JADE1: variants seen among roughly 807,000 people sequenced by gnomAD.
The protein encoded by JADE1 is jade family PHD finger 1.
A neutral mutation model predicts 81.8 loss-of-function variants in JADE1; 14 were observed. The ratio of observed to expected loss-of-function variants is 0.17; its 90% CI spans 0.11 to 0.27. The LOEUF (loss-of-function observed/expected upper bound fraction) is 0.27, where lower values mean the gene tolerates loss of function less well. Among genes scored for constraint, JADE1 ranks in the 10% least tolerant of loss-of-function variants. The pLI, the probability that JADE1 is intolerant of heterozygous loss-of-function variation, is 1.00. For missense variants in JADE1, 690 were observed against 1,047.9 expected, an observed-to-expected ratio of 0.66 and a Z score of 4.71; for synonymous variants, 353 against 391.9, an observed-to-expected ratio of 0.90 and a Z score of 1.17.
chr4:128,872,094 G>A lies in JADE1; in HGVS notation c.2361G>A (p.Lys787=), dbSNP rs1355479449. The A allele has an allele frequency of 6.2e-7, 1 of 1,614,138 alleles. No individual in the cohort carries two copies. Among genetic ancestry groups the A allele is most frequent in the East Asian group, 2.2e-5 (1 of 44,842 alleles). The change falls in exon 11 of 11, where the codon AAG becomes AAA. Residue 787 remains lysine (K), a synonymous_variant. Transcript: ENST00000226319. The part of the protein sequence containing the change: ...PYLGLGRVPA[K]ERAKSKLKSD... ...TGGGCTTAGGCCGAGTTCCAGCCAAGGAAAGGGCAAAAAGCAAATTAAAAT... is the reference window on the plus strand; with the variant it reads ...TGGGCTTAGGCCGAGTTCCAGCCAAAGAAAGGGCAAAAAGCAAATTAAAAT...
chr4:128,821,487 C>A (rs113479117), intron 1 of JADE1, among the ~76,000 whole-genome samples: 5,850 of 131,504 alleles, frequency 0.044, 382 homozygotes, highest in African/African-American at 0.14. Context: ...GTTGAAATGG[C>A]TTCTTCTTTT....
intron 9 of JADE1, chr4:128,863,000 G>A (rs1462802240): frequency 1.0e-6 from 1 of 985,506 alleles, no homozygotes; most frequent in Non-Finnish European, 1.2e-6. Flanking sequence ...TGTCAGATCT[G>A]TCTGAGGAGC....
Position 128,871,306 on chromosome 4 carries a change from G to A in JADE1, c.1622-49G>A. ...AAGGGTGTAGAATTTTATTCTTTTGGATTTGCTTCTGCTGTAATTTTTCTT... is the reference window on the plus strand; with the variant it reads ...AAGGGTGTAGAATTTTATTCTTTTGAATTTGCTTCTGCTGTAATTTTTCTT... On this transcript the variant is annotated intron_variant, in intron 10 of 10. Transcript: ENST00000226319. The surrounding 1 kb of genome is among the most constrained non-coding windows in gnomAD (Gnocchi z 4.1). 6.5e-7 allele frequency: 1 copy of A among 1,537,108 alleles called. No individual in the cohort carries two copies.
intron 2 of JADE1, among the ~76,000 whole-genome samples, chr4:128,838,969 G>A (rs78598554): frequency 0.018 from 2,766 of 152,172 alleles, 39 homozygotes; most frequent in Non-Finnish European, 0.027. Context: ...TTTTCCTTGA[G>A]CTCAAACGCA....
chr4:128,847,443 CT>C (rs1488525224), intron 4 of JADE1, among the ~76,000 whole-genome samples: 1 of 152,200 alleles, frequency 6.6e-6, no homozygotes, highest in African/African-American at 2.4e-5. Context: ...ACAAATGCCC[CT>C]GTCTTACTCA....
In JADE1 at chr4:128,843,046, T is replaced by C. The variant is rs1235760264; in HGVS notation, c.138+8T>C. The C allele has an allele frequency of 1.9e-6, 3 of 1,609,622 alleles. No homozygotes were observed. The highest frequency in any genetic ancestry group is 1.3e-5 in the African/African-American group (1 of 74,818). On this transcript the variant is annotated splice_region_variant and intron_variant, in intron 3 of 10. Transcript: ENST00000226319. Reference sequence around the variant, plus strand: ...GATCGAAAGCCTTCAGAGGTACTTCTTGAATGCTTGCCTGACCGTGCATGA... The same window carrying C: ...GATCGAAAGCCTTCAGAGGTACTTCCTGAATGCTTGCCTGACCGTGCATGA...
Position 128,855,694 on chromosome 4 carries a change from T to G in JADE1, c.761T>G (p.Val254Gly). 6.2e-7 allele frequency: 1 copy of G among 1,614,102 alleles called. No individual in the cohort carries two copies. Residue 254 changes from valine to glycine, a missense_variant, in exon 7 of 11, where the codon GTT becomes GGT. Transcript: ENST00000226319. ...SWLCRTCALG[V>G]QPKCLLCPKK... Reference sequence around the variant, plus strand: ...CTGTGCCGGACATGTGCCCTGGGGGTTCAGCCAAAATGTCTGCTGTGTCCG... The same window carrying G: ...CTGTGCCGGACATGTGCCCTGGGGGGTCAGCCAAAATGTCTGCTGTGTCCG...
rs573358945 is a variant in JADE1 at position 128,856,412 on chromosome 4, C to T, written c.864+615C>T. Among the ~76,000 whole-genome samples the T allele has an allele frequency of 3.3e-5, 5 of 152,296 alleles. No individual in the cohort carries two copies. In the East Asian group the frequency reaches 9.7e-4, roughly 29 times the overall value. ...GCCTTCCCATCGCGACTCTCACTCTCAGGAGCAGACCTGTAGCACTTAAAC... is the reference window on the plus strand; with the variant it reads ...GCCTTCCCATCGCGACTCTCACTCTTAGGAGCAGACCTGTAGCACTTAAAC... On this transcript the variant is annotated intron_variant, in intron 7 of 10. Coordinates refer to ENST00000226319, the MANE Select transcript of JADE1 (RefSeq NM_199320.4).
At chr4:128,842,858 T>G in intron 2 of JADE1, 95 bp from the exon 3 acceptor site, 1 of 1,016,830 alleles carries the variant, frequency 9.8e-7, no homozygotes, top group Non-Finnish European at 1.5e-6. Context: ...AGTGCTGAGG[T>G]GAGCCTGGGA....
chr4:128,862,101 T>A lies in JADE1; in HGVS notation c.1379T>A (p.Val460Asp), dbSNP rs1481642651. Residue 460 changes from valine to aspartate, a missense_variant, in exon 9 of 11, where the codon GTC becomes GAC. Physicochemically the swap from Val to Asp is radical, Grantham distance 152. Coordinates refer to ENST00000226319, the MANE Select transcript of JADE1 (RefSeq NM_199320.4). ...CAGTACTGGAAGTTGAAGAGGAAGG[T>A]CAACTTCAACAAGCCCCTGATCACC... ...LYQYWKLKRKVNFNKPLITPK... is the reference protein window; with the variant it reads ...LYQYWKLKRKDNFNKPLITPK... 11 of 1,614,044 alleles carry A rather than the reference T, an allele frequency of 6.8e-6. No individual in the cohort carries two copies. The highest frequency in any genetic ancestry group is 9.3e-6 in the Non-Finnish European group (11 of 1,180,012).
chr4:128,810,814 A>C (rs1240171581), intron 1 of JADE1, among the ~76,000 whole-genome samples: 2 of 152,058 alleles, frequency 1.3e-5, no homozygotes, highest in African/African-American at 4.8e-5. Context: ...TCTTTTACTT[A>C]CAGCGCGACT....
At chr4:128,870,984 G>T (rs116792807) in intron 10 of JADE1, among the ~76,000 whole-genome samples, 1 of 152,166 alleles carries the variant, frequency 6.6e-6, no homozygotes, top group Non-Finnish European at 1.5e-5. Flanking sequence ...GGAGCGCGGC[G>T]CAGGTGCTGC....
chr4:128,817,199 C>T (rs1560721853), intron 1 of JADE1, among the ~76,000 whole-genome samples: 1 of 151,992 alleles, frequency 6.6e-6, no homozygotes, highest in Non-Finnish European at 1.5e-5. Flanking sequence ...TGACATCTGT[C>T]TCTTTGTATT....
At chr4:128,810,448 AG>A (rs1425467502) in intron 1 of JADE1, 1 of 120,664 alleles carries the variant, frequency 8.3e-6, no homozygotes, top group Non-Finnish European at 1.7e-5. Context: ...TTTAGTTTAT[AG>A]GTTTTTTTTT....
intron 8 of JADE1, 121 bp downstream of exon 8, chr4:128,857,575 C>T (rs757408046): frequency 3.2e-5 from 25 of 769,966 alleles, no homozygotes; most frequent in African/African-American, 3.0e-4. Context: ...GGAAGCAGGA[C>T]GAGGTTCCCA....
chr4:128,833,885 A>G (rs937021235), intron 2 of JADE1, among the ~76,000 whole-genome samples: 4 of 152,194 alleles, frequency 2.6e-5, no homozygotes, highest in African/African-American at 7.2e-5. Flanking sequence ...GCTGTGTTAG[A>G]AAAGTTTCTC....
chr4:128,843,595 C>G (rs1729628090), intron 3 of JADE1, among the ~76,000 whole-genome samples: 1 of 152,192 alleles, frequency 6.6e-6, no homozygotes, highest in Non-Finnish European at 1.5e-5. Flanking sequence ...CTTTTAGGTG[C>G]ATTTCTTTCT....
intron 2 of JADE1, among the ~76,000 whole-genome samples, chr4:128,832,900 A>T (rs1004171618): frequency 6.6e-6 from 1 of 152,176 alleles, no homozygotes; most frequent in African/African-American, 2.4e-5. Flanking sequence ...AACAGAACTC[A>T]ATGTGGTATT....
intron 1 of JADE1, among the ~76,000 whole-genome samples, chr4:128,825,889 C>T (rs546454674): frequency 2.6e-5 from 4 of 152,278 alleles, no homozygotes; most frequent in Non-Finnish European, 4.4e-5. Flanking sequence ...GATGGTTCTC[C>T]GGCAGCTGCC....
Sources: gnomAD v4.1 joint callset for allele counts (sites outside exome capture counted in the v4.1 genomes callset) on GRCh38, gnomAD v4.1.1 for gene constraint, Gnocchi (gnomAD v3.1) non-coding constraint, MANE v1.5 for transcripts, NCBI Gene and HGNC (gene_info 2026-07-23, HGNC 2026-07-21) for gene names.